LRRC4C: variants seen among roughly 807,000 people sequenced by gnomAD.
The protein encoded by LRRC4C is leucine-rich repeat-containing protein 4C.
In LRRC4C, 5 loss-of-function variants were observed where a neutral mutation model predicts 33.6. That is an observed-to-expected ratio of 0.15 (90% CI 0.08 to 0.31). The LOEUF (loss-of-function observed/expected upper bound fraction) is 0.31, where lower values mean the gene tolerates loss of function less well. LRRC4C is among the 10% of genes least tolerant of loss of function. LRRC4C has a pLI of 1.00. For missense variants in LRRC4C, 560 were observed against 796.7 expected (o/e 0.70, Z 3.58); for synonymous variants, 329 against 302.0 (o/e 1.09, Z -0.93).
At chr11:40,813,202 A>G (rs1295741072) in intron 2 of LRRC4C, among the ~76,000 whole-genome samples, 1 of 152,192 alleles carries the variant, frequency 6.6e-6, no homozygotes, top group African/African-American at 2.4e-5. Context: ...ACATGCCTGT[A>G]TTAGTCTGTT....
intron 2 of LRRC4C, among the ~76,000 whole-genome samples, chr11:40,684,385 T>C (rs1944852480): frequency 2.6e-5 from 4 of 152,022 alleles, no homozygotes; most frequent in Admixed American, 2.6e-4. Flanking sequence ...CTACTGAAAG[T>C]AATGTTAGTG....
intron 6 of LRRC4C, among the ~76,000 whole-genome samples, chr11:40,128,678 C>A (rs1006608641): frequency 9.9e-5 from 15 of 152,114 alleles, no homozygotes; most frequent in Admixed American, 3.3e-4. Context: ...TTTCTTACTC[C>A]ACCTTCTCGG....
Position 40,244,437 on chromosome 11 carries a change from C to T in LRRC4C, c.-175-2839G>A, listed in dbSNP as rs184607118. 8.5e-5 allele frequency among the ~76,000 whole-genome samples: 13 copies of T among 152,244 alleles called. No individual in the cohort carries two copies. In the East Asian group the frequency reaches 2.1e-3, roughly 25 times the overall value. ...TCCTGAATTTTCATTAACTGAACTC[C>T]TATGGTAGGAAGAAGGGCAAGTCTG... On this transcript the variant is annotated intron_variant, in intron 4 of 6. Coordinates refer to ENST00000528697, the MANE Select transcript of LRRC4C (RefSeq NM_001258419.2).
At chr11:41,131,260 T>C (rs1942998617) in intron 1 of LRRC4C, among the ~76,000 whole-genome samples, 1 of 152,042 alleles carries the variant, frequency 6.6e-6, no homozygotes, top group Non-Finnish European at 1.5e-5. Context: ...TGCTGAAATT[T>C]CTATTTTCCA....
chr11:40,203,788 C>G (rs546867385), intron 5 of LRRC4C, among the ~76,000 whole-genome samples: 2 of 152,304 alleles, frequency 1.3e-5, no homozygotes, highest in Admixed American at 6.5e-5. Flanking sequence ...GGCATTTCAT[C>G]TAAACAATGT....
At chr11:40,166,030 G>A (rs1461060545) in intron 5 of LRRC4C, among the ~76,000 whole-genome samples, 4 of 152,150 alleles carry the variant, frequency 2.6e-5, no homozygotes, top group African/African-American at 9.7e-5. Context: ...TTAGAAAACT[G>A]TTTGGCTCTC....
In LRRC4C at chr11:40,499,338, T is replaced by C. The variant is rs1190085448; in HGVS notation, c.-270+148804A>G. ...TATCACCATACTGAGTCAGAAAATG[T>C]ATCTGCATATCCAAGCATCCTGCTC... On this transcript the variant is annotated intron_variant, in intron 3 of 6. Transcript: ENST00000528697. Among the ~76,000 whole-genome samples the C allele has an allele frequency of 5.3e-5, 8 of 152,194 alleles. No individual in the cohort carries two copies. In the East Asian group the frequency reaches 1.5e-3, roughly 29 times the overall value.
At chr11:40,378,699 G>A (rs536299892) in intron 3 of LRRC4C, among the ~76,000 whole-genome samples, 14 of 152,088 alleles carry the variant, frequency 9.2e-5, no homozygotes, top group Middle Eastern at 3.4e-3. Flanking sequence ...TAGCTAAAAC[G>A]TCCCTTCCAA....
chr11:40,796,475 G>C (rs1591745194), intron 2 of LRRC4C, among the ~76,000 whole-genome samples: 1 of 152,076 alleles, frequency 6.6e-6, no homozygotes, highest in Non-Finnish European at 1.5e-5. Flanking sequence ...GAAAGACATA[G>C]AGTATTTGCT....
At chr11:41,281,797 T>A (rs756038966) in intron 1 of LRRC4C, among the ~76,000 whole-genome samples, 5 of 152,228 alleles carry the variant, frequency 3.3e-5, no homozygotes, top group Non-Finnish European at 7.3e-5. Context: ...ACTCCAACAA[T>A]CTTTAGTTTG....
intron 1 of LRRC4C, among the ~76,000 whole-genome samples, chr11:41,289,131 G>A (rs536878731): frequency 2.6e-4 from 40 of 152,192 alleles, no homozygotes; most frequent in African/African-American, 9.6e-4. Flanking sequence ...ATGGATACCA[G>A]GGTGTTGGAA....
At chr11:41,232,247 A>C (rs28556778) in intron 1 of LRRC4C, among the ~76,000 whole-genome samples, 11,545 of 152,066 alleles carry the variant, frequency 0.076, 934 homozygotes, top group African/African-American at 0.2. Context: ...GTGCCTGTCT[A>C]ACACTCTGAG....
At chr11:41,222,113 C>A (rs2136392494) in intron 1 of LRRC4C, among the ~76,000 whole-genome samples, 1 of 152,282 alleles carries the variant, frequency 6.6e-6, no homozygotes, top group East Asian at 1.9e-4. Flanking sequence ...AAATGATCAA[C>A]TAGCAACAAG....
intron 1 of LRRC4C, among the ~76,000 whole-genome samples, chr11:41,269,566 C>A (rs1949257274): frequency 6.6e-6 from 1 of 152,052 alleles, no homozygotes; most frequent in African/African-American, 2.4e-5. Context: ...AGAAGGTAGT[C>A]TGGCTTGAAG....
chr11:40,253,184 C>G (rs1287977427), intron 4 of LRRC4C, among the ~76,000 whole-genome samples: 2 of 152,150 alleles, frequency 1.3e-5, no homozygotes, highest in African/African-American at 4.8e-5. Flanking sequence ...CTTTTATGTT[C>G]AAATATCTAA....
intron 2 of LRRC4C, among the ~76,000 whole-genome samples, chr11:40,663,143 C>A (rs1483390615): frequency 6.6e-6 from 1 of 152,170 alleles, no homozygotes; most frequent in Non-Finnish European, 1.5e-5. Flanking sequence ...TGCAGTGGCA[C>A]AATCTCAGCT....
At chr11:41,209,518 G>A (rs900441053) in intron 1 of LRRC4C, among the ~76,000 whole-genome samples, 5 of 151,580 alleles carry the variant, frequency 3.3e-5, no homozygotes, top group Admixed American at 1.3e-4. Context: ...TTAGCTGGGC[G>A]CCTGTAATCC....
At chr11:40,161,744 G>A (rs570388016) in intron 5 of LRRC4C, among the ~76,000 whole-genome samples, 1 of 152,088 alleles carries the variant, frequency 6.6e-6, no homozygotes, top group Non-Finnish European at 1.5e-5. Flanking sequence ...GCAACAGAGC[G>A]AGACTCCTTC....
intron 1 of LRRC4C, among the ~76,000 whole-genome samples, chr11:41,397,999 C>T (rs1953883594): frequency 6.6e-6 from 1 of 151,912 alleles, no homozygotes; most frequent in African/African-American, 2.4e-5. Flanking sequence ...AGCCTAATGC[C>T]TCCATGCCTC....
Sources: allele counts gnomAD v4.1 joint callset (sites outside exome capture counted in the v4.1 genomes callset), GRCh38; gene constraint gnomAD v4.1.1; transcripts MANE v1.5; gene names NCBI Gene and HGNC (gene_info 2026-07-23, HGNC 2026-07-21).